Variants in SHLD1 observed in about 807,000 individuals in gnomAD.
SHLD1 encodes the protein RINN1-REV7-interacting novel NHEJ regulator 3.
A neutral mutation model predicts 5.5 loss-of-function variants in SHLD1; 3 were observed. The observed-to-expected ratio is 0.54, with a 90% confidence interval of 0.25 to 1.40. SHLD1 has a LOEUF of 1.40. Among genes scored for constraint, SHLD1 ranks in the 40% most tolerant of loss-of-function variants. SHLD1 has a pLI of 0.15. For missense variants in SHLD1, 210 were observed against 244.4 expected (o/e 0.86, Z 0.94); for synonymous variants, 92 against 94.3 (o/e 0.98, Z 0.14).
chr20:5,805,251 G>C (rs1478501823), intron 2 of SHLD1, among the ~76,000 whole-genome samples: 5 of 152,140 alleles, frequency 3.3e-5, no homozygotes, highest in Non-Finnish European at 4.4e-5. Context: ...TCTGCCCTCT[G>C]GGTTCAAGTG....
chr20:5,785,796 CAA>C (rs34293571), intron 2 of SHLD1, among the ~76,000 whole-genome samples: 48 of 82,256 alleles, frequency 5.8e-4, no homozygotes, highest in Admixed American at 1.2e-3. Flanking sequence ...ACTCCGTCTC[CAA>C]AAAAAAAAAA....
At chr20:5,752,278 C>G (rs1983796101) in intron 1 of SHLD1, among the ~76,000 whole-genome samples, 1 of 152,046 alleles carries the variant, frequency 6.6e-6, no homozygotes, top group Non-Finnish European at 1.5e-5. Flanking sequence ...CGCCTGTAAT[C>G]CCAGCTACTT....
At chr20:5,753,045 C>T (rs546538895) in intron 1 of SHLD1, among the ~76,000 whole-genome samples, 43 of 152,092 alleles carry the variant, frequency 2.8e-4, no homozygotes, top group Non-Finnish European at 5.7e-4. Flanking sequence ...GTGATCCACC[C>T]GCCTCTGCCT....
intron 1 of SHLD1, among the ~76,000 whole-genome samples, chr20:5,764,582 C>G (rs1600097093): frequency 6.6e-6 from 1 of 151,386 alleles, no homozygotes; most frequent in East Asian, 1.9e-4. Context: ...GCCTGCAGTC[C>G]CAACTACTCA....
At chr20:5,798,763 A>G (rs919695921) in intron 2 of SHLD1, among the ~76,000 whole-genome samples, 13 of 149,620 alleles carry the variant, frequency 8.7e-5, no homozygotes, top group Non-Finnish European at 1.3e-4. Context: ...GACTACAGGC[A>G]CCCACCACCG....
At chr20:5,815,377 A>G (rs1427709052) in intron 2 of SHLD1, among the ~76,000 whole-genome samples, 1 of 152,148 alleles carries the variant, frequency 6.6e-6, no homozygotes, top group South Asian at 2.1e-4. Flanking sequence ...ATGTAATGTG[A>G]CTATTAACCA....
intron 1 of SHLD1, among the ~76,000 whole-genome samples, chr20:5,772,631 G>A (rs1034785110): frequency 2.0e-5 from 3 of 152,074 alleles, no homozygotes; most frequent in East Asian, 3.8e-4. Flanking sequence ...AAATTTTTTG[G>A]GTGGGTATGG....
At chr20:5,861,015 C>T (rs1275383013) in intron 2 of SHLD1, among the ~76,000 whole-genome samples, 1 of 152,146 alleles carries the variant, frequency 6.6e-6, no homozygotes, top group Admixed American at 6.6e-5. Flanking sequence ...TTTTGGGTGC[C>T]CCCTGGCCAT....
At chr20:5,859,744 T>C (rs1218945024) in intron 2 of SHLD1, among the ~76,000 whole-genome samples, 1 of 152,186 alleles carries the variant, frequency 6.6e-6, no homozygotes, top group Non-Finnish European at 1.5e-5. Flanking sequence ...TCAAAATAAC[T>C]GACATAGTAA....
At chr20:5,811,179 A>G (rs1178374476) in intron 2 of SHLD1, among the ~76,000 whole-genome samples, 2 of 152,138 alleles carry the variant, frequency 1.3e-5, no homozygotes, top group African/African-American at 4.8e-5. Context: ...CAAATTACGT[A>G]CCAGAAGCCA....
At chr20:5,810,283 A>G (rs959400615) in intron 2 of SHLD1, among the ~76,000 whole-genome samples, 8 of 151,934 alleles carry the variant, frequency 5.3e-5, no homozygotes, top group African/African-American at 1.9e-4. Context: ...TGTATTGTTC[A>G]ATAATGGACC....
At chr20:5,859,752 TA>T (rs1342137413) in intron 2 of SHLD1, among the ~76,000 whole-genome samples, 1 of 152,178 alleles carries the variant, frequency 6.6e-6, no homozygotes, top group Admixed American at 6.5e-5. Flanking sequence ...ACTGACATAG[TA>T]AATGACTCAA....
intron 2 of SHLD1, among the ~76,000 whole-genome samples, chr20:5,781,922 G>T (rs570596782): frequency 2.0e-5 from 3 of 152,086 alleles, no homozygotes; most frequent in Non-Finnish European, 4.4e-5. Flanking sequence ...TTCAACAACC[G>T]GCACGACTGT....
At chr20:5,834,902 T>A (rs1289456599) in intron 2 of SHLD1, among the ~76,000 whole-genome samples, 2 of 152,290 alleles carry the variant, frequency 1.3e-5, no homozygotes, top group East Asian at 3.9e-4. Flanking sequence ...GGGGGCTTTC[T>A]GGGGTCTCCT....
In SHLD1 at chr20:5,863,672, C is replaced by A; in HGVS notation, c.*209C>A. On this transcript the variant is annotated 3_prime_UTR_variant, in exon 3 of 3. Transcript: ENST00000303142. The stretch of plus-strand genomic sequence containing the variant: ...CCAGCAGGGTCTGGGAGTTCTCCGT[C>A]CTCTTGGCCAAGGCCGCTGACTGAC... 1.9e-6 allele frequency: 1 copy of A among 521,048 alleles called. No individual in the cohort carries two copies. Among genetic ancestry groups the A allele is most frequent in the Non-Finnish European group, 3.3e-6 (1 of 301,924 alleles). 32.3% of individuals were successfully genotyped at this position (521,048 alleles called of 1,614,324 possible).
intron 1 of SHLD1, among the ~76,000 whole-genome samples, chr20:5,764,175 TTTTTATATATATATA>T (rs1984678134): frequency 3.9e-5 from 3 of 76,932 alleles, no homozygotes; most frequent in African/African-American, 1.5e-4. Flanking sequence ...TATATATATA[TTTTTATATATATATA>T]TTTTATATAT....
chr20:5,859,139 C>A (rs1213354563), intron 2 of SHLD1, among the ~76,000 whole-genome samples: 1 of 152,104 alleles, frequency 6.6e-6, no homozygotes, highest in Non-Finnish European at 1.5e-5. Context: ...TAGGTACCAG[C>A]AAGAAGGGTG....
intron 1 of SHLD1, among the ~76,000 whole-genome samples, chr20:5,762,914 A>G (rs1218359407): frequency 7.1e-6 from 1 of 139,890 alleles, no homozygotes; most frequent in Non-Finnish European, 1.5e-5. Flanking sequence ...CGGAGGTTGC[A>G]GTGAGCCGAG....
chr20:5,854,302 G>A lies in SHLD1; in HGVS notation c.179-8722G>A, dbSNP rs116950640. Reference sequence around the variant, plus strand: ...ATTACAGGCGTGAGCCACCACACCCGGCCTTATGTTTTTTGGTATTTTTTT... The same window carrying A: ...ATTACAGGCGTGAGCCACCACACCCAGCCTTATGTTTTTTGGTATTTTTTT... On this transcript the variant is annotated intron_variant, in intron 2 of 2. Coordinates refer to ENST00000303142, the MANE Select transcript of SHLD1 (RefSeq NM_152504.4). 1.9e-4 allele frequency among the ~76,000 whole-genome samples: 29 copies of A among 152,102 alleles called. No individual in the cohort carries two copies. The East Asian group carries it at 3.3e-3, about 17-fold the overall frequency.
Sources: gnomAD v4.1 joint callset for allele counts (sites outside exome capture counted in the v4.1 genomes callset) on GRCh38, gnomAD v4.1.1 for gene constraint, MANE v1.5 for transcripts, NCBI Gene and HGNC (gene_info 2026-07-23, HGNC 2026-07-21) for gene names.